The following PRKN variants were observed in gnomAD, a reference collection of about 807,000 sequenced individuals.
PRKN encodes the protein E3 ubiquitin-protein ligase parkin.
In PRKN, 56 loss-of-function variants were observed where a neutral mutation model predicts 59.5. That is an observed-to-expected ratio of 0.94 (90% CI 0.76 to 1.18). The LOEUF (loss-of-function observed/expected upper bound fraction) is 1.18. Among genes scored for constraint, PRKN ranks in the 50% most tolerant of loss-of-function variants. The probability of loss-of-function intolerance (pLI) is 0.00; values close to 1 mark genes in which losing one functional copy is unlikely to be tolerated. For synonymous variants in PRKN, 250 were observed against 222.1 expected (o/e 1.13, Z -1.12); for missense variants, 657 against 596.4 (o/e 1.10, Z -1.06).
At chr6:162,169,561 A>T (rs2128319158) in intron 4 of PRKN, among the ~76,000 whole-genome samples, 1 of 152,334 alleles carries the variant, frequency 6.6e-6, no homozygotes, top group South Asian at 2.1e-4. Context: ...ACTACCTCAT[A>T]GACAAGTTTT....
chr6:162,478,421 GAA>G (rs1792131336), intron 1 of PRKN, among the ~76,000 whole-genome samples: 3 of 152,314 alleles, frequency 2.0e-5, no homozygotes, highest in Non-Finnish European at 4.4e-5. Context: ...GGAAGACCTT[GAA>G]CTAAACCCTT....
chr6:161,436,346 G>A (rs916057759), intron 9 of PRKN, among the ~76,000 whole-genome samples: 2 of 70,038 alleles, frequency 2.9e-5, no homozygotes, highest in African/African-American at 8.4e-5. Flanking sequence ...GGGAGGGCCT[G>A]CTGTGTGCCC....
At chr6:162,165,253 T>G (rs1782926156) in intron 4 of PRKN, among the ~76,000 whole-genome samples, 2 of 149,006 alleles carry the variant, frequency 1.3e-5, no homozygotes, top group South Asian at 4.2e-4. Context: ...GAATATTTCA[T>G]GAGTTGGGAT....
At chr6:162,694,236 CAAAAAAAAAAAA>C (rs149337714) in intron 1 of PRKN, among the ~76,000 whole-genome samples, 1 of 93,516 alleles carries the variant, frequency 1.1e-5, no homozygotes, top group Admixed American at 1.3e-4. Flanking sequence ...AACAGTGAGA[CAAAAAAAAAAAA>C]AAAAAAAAAG....
chr6:162,510,985 A>G (rs1328166307), intron 1 of PRKN, among the ~76,000 whole-genome samples: 1 of 152,090 alleles, frequency 6.6e-6, no homozygotes, highest in Admixed American at 6.6e-5. Flanking sequence ...CCCACTGAAC[A>G]ATAAAATTTT....
intron 2 of PRKN, among the ~76,000 whole-genome samples, chr6:162,352,153 T>C (rs1784652183): frequency 6.6e-6 from 1 of 152,126 alleles, no homozygotes; most frequent in African/African-American, 2.4e-5. Flanking sequence ...AGCAGCACCG[T>C]AGGTCTCCCT....
At chr6:162,028,307 G>A (rs1449166617) in intron 5 of PRKN, among the ~76,000 whole-genome samples, 3 of 152,130 alleles carry the variant, frequency 2.0e-5, no homozygotes, top group African/African-American at 2.4e-5. Context: ...ATTCCCCTTT[G>A]GAACAAGTAT....
At chr6:162,528,933 A>T (rs1366226663) in intron 1 of PRKN, among the ~76,000 whole-genome samples, 1 of 152,124 alleles carries the variant, frequency 6.6e-6, no homozygotes, top group Non-Finnish European at 1.5e-5. Flanking sequence ...GCTGGAGTGC[A>T]GTGGCGTGAT....
chr6:162,657,908 A>G (rs1372415414), intron 1 of PRKN, among the ~76,000 whole-genome samples: 1 of 152,174 alleles, frequency 6.6e-6, no homozygotes, highest in East Asian at 1.9e-4. Context: ...AAAACCTAAA[A>G]TGACATCTCT....
At chr6:161,657,130 A>C (rs1784376912) in intron 7 of PRKN, among the ~76,000 whole-genome samples, 1 of 152,110 alleles carries the variant, frequency 6.6e-6, no homozygotes, top group Admixed American at 6.5e-5. Context: ...CATTCTGTCT[A>C]ATCATAAGCC....
At chr6:162,540,549 CG>C (rs1431066791) in intron 1 of PRKN, among the ~76,000 whole-genome samples, 3 of 151,892 alleles carry the variant, frequency 2.0e-5, no homozygotes, top group African/African-American at 7.3e-5. Context: ...GGCTCATGTC[CG>C]TAAGCCCAGC....
chr6:161,753,682 G>C (rs867027815), intron 7 of PRKN, among the ~76,000 whole-genome samples: 7 of 152,160 alleles, frequency 4.6e-5, no homozygotes, highest in African/African-American at 1.2e-4. Context: ...AACCCCGAGT[G>C]GGGGAGCCCA....
chr6:161,389,575 A>G (rs775828745), intron 9 of PRKN, among the ~76,000 whole-genome samples: 1 of 152,238 alleles, frequency 6.6e-6, no homozygotes, highest in Non-Finnish European at 1.5e-5. Context: ...TTCACTGAAT[A>G]GTGAGTTGAG....
intron 4 of PRKN, among the ~76,000 whole-genome samples, chr6:162,060,429 C>T (rs1342360963): frequency 6.6e-6 from 1 of 152,150 alleles, no homozygotes; most frequent in Non-Finnish European, 1.5e-5. Context: ...CAAATATTAC[C>T]TAAACACGTC....
chr6:162,417,713 C>A (rs529057854), intron 2 of PRKN, among the ~76,000 whole-genome samples: 1 of 152,310 alleles, frequency 6.6e-6, no homozygotes, highest in Non-Finnish European at 1.5e-5. Flanking sequence ...AGATAATGTC[C>A]GTTAACGTTT....
chr6:162,162,017 AAAGT>A (rs1381831260), intron 4 of PRKN, among the ~76,000 whole-genome samples: 1 of 152,212 alleles, frequency 6.6e-6, no homozygotes, highest in Non-Finnish European at 1.5e-5. Context: ...AAATGATAAA[AAAGT>A]AATAAAACAA....
intron 8 of PRKN, among the ~76,000 whole-genome samples, chr6:161,569,119 T>C (rs1272836631): frequency 6.6e-6 from 1 of 152,254 alleles, no homozygotes; most frequent in Non-Finnish European, 1.5e-5. Flanking sequence ...TGCTTGAGTC[T>C]TGAGATGAAA....
intron 9 of PRKN, among the ~76,000 whole-genome samples, chr6:161,443,930 T>TGACTTTAAATGACAAAGGTAGAGA (rs1255397793): frequency 1.3e-5 from 2 of 152,264 alleles, no homozygotes; most frequent in Non-Finnish European, 2.9e-5. Flanking sequence ...AAGGAGCCTG[T>TGACTTTAAATGACAAAGGTAGAGA]GACTTTAAAT....
At chr6:161,418,911 C>T (rs1235910073) in intron 9 of PRKN, among the ~76,000 whole-genome samples, 5 of 152,142 alleles carry the variant, frequency 3.3e-5, no homozygotes, top group East Asian at 1.9e-4. Flanking sequence ...CACATACAGG[C>T]GGTGGAGTTT....
Sources: allele counts gnomAD v4.1 joint callset (sites outside exome capture counted in the v4.1 genomes callset), GRCh38; gene constraint gnomAD v4.1.1; transcripts MANE v1.5; gene names NCBI Gene and HGNC (gene_info 2026-07-23, HGNC 2026-07-21).